The following KCTD8 variants were observed in gnomAD, a reference collection of about 807,000 sequenced individuals.
The protein encoded by KCTD8 is BTB/POZ domain-containing protein KCTD8.
KCTD8 carries 27 observed loss-of-function variants against 31.5 expected under a neutral mutation model. The observed-to-expected ratio is 0.86, with a 90% CI of 0.63 to 1.18. The LOEUF (loss-of-function observed/expected upper bound fraction) is 1.18. Ranked by LOEUF, KCTD8 falls within the 50% of genes most tolerant of loss-of-function variation. KCTD8 has a pLI of 0.00. For missense variants in KCTD8, 658 were observed against 647.7 expected (o/e 1.02, Z -0.17); for synonymous variants, 290 against 280.0 (o/e 1.04, Z -0.36).
chr4:44,206,600 C>T (rs567456367), intron 1 of KCTD8, among the ~76,000 whole-genome samples: 1 of 152,326 alleles, frequency 6.6e-6, no homozygotes, highest in Admixed American at 6.5e-5. Flanking sequence ...ACTGCTCTTC[C>T]TTTGCCCTCT....
intron 1 of KCTD8, among the ~76,000 whole-genome samples, chr4:44,382,358 A>G (rs75681678): frequency 0.12 from 17,969 of 152,074 alleles, 1,189 homozygotes; most frequent in East Asian, 0.19. Context: ...CATCAATACA[A>G]TAAAGGCCAT....
At chr4:44,314,688 G>T (rs917222195) in intron 1 of KCTD8, among the ~76,000 whole-genome samples, 1 of 151,924 alleles carries the variant, frequency 6.6e-6, no homozygotes, top group Admixed American at 6.6e-5. Context: ...ACACAGCAGG[G>T]ATCATATCAT....
chr4:44,321,916 T>G (rs1169340167), intron 1 of KCTD8, among the ~76,000 whole-genome samples: 1 of 150,968 alleles, frequency 6.6e-6, no homozygotes, highest in African/African-American at 2.5e-5. Context: ...ATCCATGTTG[T>G]TGAAGTGACA....
chr4:44,235,195 T>C (rs970748460), intron 1 of KCTD8, among the ~76,000 whole-genome samples: 1 of 142,008 alleles, frequency 7.0e-6, no homozygotes, highest in African/African-American at 3.0e-5. Flanking sequence ...TGCTGAGTTT[T>C]TTTTTTTTTT....
intron 1 of KCTD8, among the ~76,000 whole-genome samples, chr4:44,235,315 C>T (rs1312576275): frequency 5.4e-5 from 8 of 148,762 alleles, no homozygotes; most frequent in African/African-American, 2.0e-4. Context: ...AAGAAAGTAG[C>T]AAAATTGAGA....
intron 1 of KCTD8, among the ~76,000 whole-genome samples, chr4:44,226,265 C>T (rs888920366): frequency 1.3e-5 from 2 of 152,106 alleles, no homozygotes; most frequent in African/African-American, 4.8e-5. Flanking sequence ...TTGTTCAATT[C>T]CCACTTATAA....
At chr4:44,242,709 G>C (rs1053215666) in intron 1 of KCTD8, among the ~76,000 whole-genome samples, 7 of 152,254 alleles carry the variant, frequency 4.6e-5, no homozygotes, top group African/African-American at 1.7e-4. Context: ...GAGGTGATTG[G>C]ATCATGGGGG....
chr4:44,363,232 C>T (rs16856862), intron 1 of KCTD8, among the ~76,000 whole-genome samples: 14,336 of 152,110 alleles, frequency 0.094, 760 homozygotes, highest in Admixed American at 0.17. Flanking sequence ...GAAACTCCTC[C>T]GGCTTTTTTA....
At chr4:44,415,002 T>C (rs1182840416) in intron 1 of KCTD8, among the ~76,000 whole-genome samples, 1 of 152,168 alleles carries the variant, frequency 6.6e-6, no homozygotes, top group African/African-American at 2.4e-5. Flanking sequence ...TGTTAAATGC[T>C]TGTGACCAAA....
intron 1 of KCTD8, among the ~76,000 whole-genome samples, chr4:44,327,917 AT>A (rs1053392739): frequency 1.1e-4 from 17 of 152,056 alleles, no homozygotes; most frequent in Non-Finnish European, 2.5e-4. Flanking sequence ...AAATACAAAC[AT>A]TTGGTAACTT....
At chr4:44,250,265 T>G (rs1430549803) in intron 1 of KCTD8, among the ~76,000 whole-genome samples, 2 of 151,776 alleles carry the variant, frequency 1.3e-5, no homozygotes, top group Non-Finnish European at 2.9e-5. Flanking sequence ...TATACTAGTT[T>G]CTGTGTCCTC....
intron 1 of KCTD8, among the ~76,000 whole-genome samples, chr4:44,216,134 C>T (rs988535085): frequency 6.6e-6 from 1 of 152,060 alleles, no homozygotes; most frequent in African/African-American, 2.4e-5. Flanking sequence ...GAGTTTATAA[C>T]AATATTGGGA....
In KCTD8 at chr4:44,325,373, C is replaced by T. The variant is rs1049162219; in HGVS notation, c.961+122190G>A. Among the ~76,000 whole-genome samples, 9 of 152,010 alleles carry T rather than the reference C, an allele frequency of 5.9e-5. No homozygotes were observed. The South Asian group carries it at 1.7e-3, about 28-fold the overall frequency. The stretch of plus-strand genomic sequence containing the variant: ...GAAAATTCTAAATTTAAACTTAGCC[C>T]TCTAGGTTCTTGTGAACATATGTTG... On this transcript the variant is annotated intron_variant, in intron 1 of 1. Coordinates refer to ENST00000360029, the MANE Select transcript of KCTD8 (RefSeq NM_198353.3).
rs528918734 is a variant in KCTD8, at chr4:44,225,915, G to T, written c.962-50665C>A. Among the ~76,000 whole-genome samples, 5 of 149,812 alleles carry T rather than the reference G, an allele frequency of 3.3e-5. No homozygotes were observed. The East Asian group carries it at 9.9e-4, about 30-fold the overall frequency. ...GGCTCACTGCAAGCTCCACCTCCCAGGTTCACGCCATTCTCCTGCCTCAGC... is the reference window on the plus strand; with the variant it reads ...GGCTCACTGCAAGCTCCACCTCCCATGTTCACGCCATTCTCCTGCCTCAGC... On this transcript the variant is annotated intron_variant, in intron 1 of 1. Coordinates refer to ENST00000360029, the MANE Select transcript of KCTD8 (RefSeq NM_198353.3).
intron 1 of KCTD8, among the ~76,000 whole-genome samples, chr4:44,303,332 G>A (rs931604551): frequency 2.0e-5 from 3 of 151,954 alleles, no homozygotes; most frequent in African/African-American, 7.3e-5. Context: ...GAATTCGGCT[G>A]TGAATCCATC....
chr4:44,269,037 C>T (rs1424619335), intron 1 of KCTD8, among the ~76,000 whole-genome samples: 1 of 152,146 alleles, frequency 6.6e-6, no homozygotes, highest in Non-Finnish European at 1.5e-5. Context: ...TTGGAAAAAA[C>T]TACTTTAAAG....
chr4:44,404,676 GA>G (rs1277057210), intron 1 of KCTD8, among the ~76,000 whole-genome samples: 4 of 152,074 alleles, frequency 2.6e-5, no homozygotes, highest in African/African-American at 9.7e-5. Flanking sequence ...AAATAACCAG[GA>G]AAATAATGAG....
intron 1 of KCTD8, among the ~76,000 whole-genome samples, chr4:44,294,290 A>G: frequency 6.6e-6 from 1 of 152,144 alleles, no homozygotes; most frequent in Middle Eastern, 3.2e-3. Context: ...AGAAACGTAA[A>G]AGATTTTGTT....
In KCTD8 at chr4:44,215,871, C is replaced by T. The variant is rs139498591; in HGVS notation, c.962-40621G>A. Reference sequence around the variant, plus strand: ...TGATACATCTTTCTTAGATTATAAGCCCAGAAACAGGTACCCTGTGTGATG... The same window carrying T: ...TGATACATCTTTCTTAGATTATAAGTCCAGAAACAGGTACCCTGTGTGATG... On this transcript the variant is annotated intron_variant, in intron 1 of 1. Transcript: ENST00000360029. Among the ~76,000 whole-genome samples, 324 of 152,186 alleles carry T rather than the reference C, an allele frequency of 2.1e-3. 1 individual carries two copies. Among genetic ancestry groups the T allele is most frequent in the Non-Finnish European group, 3.9e-3 (263 of 67,980 alleles).
Sources: gnomAD v4.1 joint callset for allele counts (sites outside exome capture counted in the v4.1 genomes callset) on GRCh38, gnomAD v4.1.1 for gene constraint, MANE v1.5 for transcripts, NCBI Gene and HGNC (gene_info 2026-07-23, HGNC 2026-07-21) for gene names.